Variants in PREX2 observed in about 807,000 individuals in gnomAD.
PREX2 encodes the protein phosphatidylinositol-3,4,5-trisphosphate dependent Rac exchange factor 2.
PREX2 carries 107 observed loss-of-function variants against 203.2 expected under a neutral mutation model. The observed-to-expected ratio is 0.53, with a 90% CI of 0.45 to 0.62. The LOEUF (loss-of-function observed/expected upper bound fraction) is 0.62, where lower values mean the gene tolerates loss of function less well. Among genes scored for constraint, PREX2 ranks in the 20% least tolerant of loss-of-function variants. The probability of loss-of-function intolerance (pLI) is 0.00; values close to 1 mark genes in which losing one functional copy is unlikely to be tolerated. For missense variants in PREX2, 1,777 were observed against 1,955.9 expected (o/e 0.91, Z 1.72); for synonymous variants, 672 against 663.6 (o/e 1.01, Z -0.19).
intron 37 of PREX2, among the ~76,000 whole-genome samples, chr8:68,206,752 G>C (rs942149450): frequency 1.4e-4 from 22 of 152,252 alleles, no homozygotes; most frequent in Non-Finnish European, 3.1e-4. Flanking sequence ...AAAAACTGTG[G>C]AGCACTGCTA....
chr8:68,047,130 C>T (rs1329901602), intron 8 of PREX2, among the ~76,000 whole-genome samples: 7 of 151,888 alleles, frequency 4.6e-5, no homozygotes, highest in Admixed American at 1.3e-4. Flanking sequence ...AAGGCATCAG[C>T]GTATGGAGGT....
At chr8:68,093,264 C>T (rs1809939327) in intron 20 of PREX2, among the ~76,000 whole-genome samples, 1 of 151,666 alleles carries the variant, frequency 6.6e-6, no homozygotes, top group African/African-American at 2.4e-5. Context: ...GTAGTGCATG[C>T]CTGTAATGCC....
chr8:68,146,332 A>G lies in PREX2; in HGVS notation c.4211A>G (p.His1404Arg), dbSNP rs199709552. The change falls in exon 34 of 40, where the codon CAT (histidine) becomes CGT (arginine). Residue 1404 changes from histidine (H) to arginine (R), a missense_variant. His to Arg is a conservative substitution (Grantham distance 29). Transcript: ENST00000288368. ...RLKNGGGFKI[H>R]PVLFAQALES... ...AAAAATGGAGGAGGGTTTAAAATTC[A>G]TCCTGTTCTTTTTGCACAAGGTAAA... 8 of 1,612,616 alleles carry G rather than the reference A, an allele frequency of 5.0e-6. No individual in the cohort carries two copies. The East Asian group carries it at 1.8e-4, about 36-fold the overall frequency.
chr8:68,000,417 AT>A (rs1400630111), intron 1 of PREX2, among the ~76,000 whole-genome samples: 2 of 152,188 alleles, frequency 1.3e-5, no homozygotes, highest in African/African-American at 4.8e-5. Context: ...TACAATGGGA[AT>A]TACAAACCAC....
In PREX2 at chr8:68,218,208, TAGGGGATAA is replaced by T. The variant is rs199701194; in HGVS notation, c.4707+492_4707+500del. Reference sequence around the variant, plus strand: ...AAAGCACTTACCTCAAATTTTCCTTTAGGGGATAAATAGCAGTCTTTGGACTGTCTTCGG... The same window carrying T: ...AAAGCACTTACCTCAAATTTTCCTTTATAGCAGTCTTTGGACTGTCTTCGG... On this transcript the variant is annotated intron_variant, in intron 38 of 39. Transcript: ENST00000288368. 4.3e-4 allele frequency among the ~76,000 whole-genome samples: 66 copies of T among 152,304 alleles called. 1 individual carries two copies. In the East Asian group the frequency reaches 0.013, roughly 29 times the overall value.
At chr8:68,231,085 G>T (rs1011599682) in intron 39 of PREX2, among the ~76,000 whole-genome samples, 1 of 152,098 alleles carries the variant, frequency 6.6e-6, no homozygotes, top group Non-Finnish European at 1.5e-5. Context: ...AAAGCAGCAG[G>T]TTTAAAAAAT....
At chr8:68,015,281 G>A (rs1036822974) in intron 1 of PREX2, among the ~76,000 whole-genome samples, 1 of 152,178 alleles carries the variant, frequency 6.6e-6, no homozygotes, top group Non-Finnish European at 1.5e-5. Context: ...TCGTTTTCAC[G>A]ATTTTGCGTT....
chr8:68,152,060 T>G (rs991365278), intron 34 of PREX2, among the ~76,000 whole-genome samples: 1 of 151,052 alleles, frequency 6.6e-6, no homozygotes, highest in Admixed American at 6.6e-5. Flanking sequence ...GAGGCTGAGG[T>G]GGGTGGATCA....
intron 35 of PREX2, among the ~76,000 whole-genome samples, chr8:68,170,063 CA>C (rs1811845416): frequency 6.6e-6 from 1 of 152,182 alleles, no homozygotes; most frequent in Non-Finnish European, 1.5e-5. Context: ...CATAAGGAGA[CA>C]GCTTTTCTAA....
At chr8:68,182,766 A>T (rs1263462255) in intron 35 of PREX2, among the ~76,000 whole-genome samples, 1 of 151,968 alleles carries the variant, frequency 6.6e-6, no homozygotes. Flanking sequence ...CAAATTTAAA[A>T]AATGGGTCTC....
intron 9 of PREX2, among the ~76,000 whole-genome samples, chr8:68,054,177 C>G (rs1808606049): frequency 6.6e-6 from 1 of 152,140 alleles, no homozygotes; most frequent in South Asian, 2.1e-4. Flanking sequence ...ATTTCCAAAA[C>G]ATTTTCAAAT....
intron 1 of PREX2, among the ~76,000 whole-genome samples, chr8:67,985,009 T>C (rs1312035269): frequency 2.6e-5 from 4 of 152,020 alleles, no homozygotes; most frequent in African/African-American, 9.7e-5. Context: ...CAAGTTTTTT[T>C]TTTTTTTCTT....
chr8:68,020,609 A>G (rs1435899960), intron 3 of PREX2, among the ~76,000 whole-genome samples: 2 of 152,206 alleles, frequency 1.3e-5, no homozygotes, highest in African/African-American at 4.8e-5. Context: ...TATTTCAAAA[A>G]ATAATTATAT....
intron 25 of PREX2, among the ~76,000 whole-genome samples, chr8:68,114,154 G>T (rs750632861): frequency 9.2e-5 from 14 of 152,064 alleles, no homozygotes; most frequent in Non-Finnish European, 1.5e-4. Context: ...GAGCCACCGC[G>T]CCCGGCCCTT....
At position 68,051,407 on chromosome 8, in the gene PREX2, G is replaced by A. The variant is rs117834937; in HGVS notation, c.944-1690G>A. ...GTGCAAGGTTCACTTAGCTAATCAT[G>A]GCCTGACTTGAACAGAGAGAAGACA... On this transcript the variant is annotated intron_variant, in intron 8 of 39. Coordinates refer to ENST00000288368, the MANE Select transcript of PREX2 (RefSeq NM_024870.4). Among the ~76,000 whole-genome samples, 68 of 152,182 alleles carry A rather than the reference G, an allele frequency of 4.5e-4. No homozygotes were observed. The East Asian group carries it at 0.013, about 29-fold the overall frequency.
At chr8:68,072,372 A>G in intron 13 of PREX2, 123 bp from the exon 14 acceptor site, 1 of 534,460 alleles carries the variant, frequency 1.9e-6, no homozygotes, top group South Asian at 2.7e-5. Flanking sequence ...CAACTAACTC[A>G]GGTTACAGTG....
intron 1 of PREX2, among the ~76,000 whole-genome samples, chr8:68,000,068 C>A (rs1806894862): frequency 6.6e-6 from 1 of 152,140 alleles, no homozygotes; most frequent in Non-Finnish European, 1.5e-5. Context: ...GACAAGGATG[C>A]CCTCTCTCAC....
intron 5 of PREX2, among the ~76,000 whole-genome samples, chr8:68,028,042 G>A (rs1340524090): frequency 2.0e-5 from 3 of 151,978 alleles, no homozygotes; most frequent in Non-Finnish European, 4.4e-5. Context: ...TGGGATAGTG[G>A]TTAAGCACAT....
rs1813233883 is a variant in PREX2 at position 68,234,758 on chromosome 8, G to T, written c.*3380G>T. 1.3e-5 allele frequency: 2 copies of T among 151,996 alleles called. No homozygotes were observed. The allele number at this position is 151,996 out of a possible 1,614,324, so 9.4% of individuals were successfully genotyped here. On this transcript the variant is annotated 3_prime_UTR_variant, in exon 40 of 40. Transcript: ENST00000288368. ...TCTTCTGGTGGCTTGGGTTCATTGT[G>T]CATTCATTGGCCACTCTTCTTGCAG...
Sources: allele counts gnomAD v4.1 joint callset (sites outside exome capture counted in the v4.1 genomes callset), GRCh38; gene constraint gnomAD v4.1.1; transcripts MANE v1.5; gene names NCBI Gene and HGNC (gene_info 2026-07-23, HGNC 2026-07-21).